The following PDE3A variants were observed in gnomAD, a reference collection of about 807,000 sequenced individuals.
PDE3A encodes cGMP-inhibited 3',5'-cyclic phosphodiesterase 3A.
Under a neutral mutation model 98.3 loss-of-function variants are expected in PDE3A, and 43 were observed. The ratio of observed to expected loss-of-function variants is 0.44; its 90% confidence interval spans 0.34 to 0.56. The LOEUF (loss-of-function observed/expected upper bound fraction) is 0.56, where lower values mean the gene tolerates loss of function less well. PDE3A is among the 20% of genes least tolerant of loss of function. The pLI, the probability that PDE3A is intolerant of heterozygous loss-of-function variation, is 0.01. For synonymous variants in PDE3A, 663 were observed against 567.9 expected (o/e 1.17, Z -2.38); for missense variants, 1,427 against 1,440.7 (o/e 0.99, Z 0.15).
chr12:20,680,826 CTGTGTGTGTG>C lies in PDE3A; in HGVS notation c.*590_*599del, dbSNP rs3059415. The C allele has an allele frequency of 0.01, 1,443 of 138,052 alleles. 15 individuals are homozygous for C. Among genetic ancestry groups the C allele is most frequent in the South Asian group, 0.018 (74 of 4,012 alleles). The allele number at this position is 138,052 out of a possible 1,614,324, so 8.6% of individuals were successfully genotyped here. A position where few individuals can be genotyped will look rare whatever the true frequency, so the allele number is the denominator to read the frequency against. On this transcript the variant is annotated 3_prime_UTR_variant, in exon 16 of 16. Coordinates refer to ENST00000359062, the MANE Select transcript of PDE3A (RefSeq NM_000921.5). The stretch of plus-strand genomic sequence containing the variant: ...TGAATTCTGATACATCCTGCCAACA[CTGTGTGTGTG>C]TGTGTGTGTGTGTGTGTGTGTGTGT...
intron 1 of PDE3A, among the ~76,000 whole-genome samples, chr12:20,404,755 G>A (rs1944199240): frequency 6.7e-6 from 1 of 148,218 alleles, no homozygotes; most frequent in Non-Finnish European, 1.5e-5. Context: ...TTCCAGGCAT[G>A]ATTCATATTC....
chr12:20,474,273 T>C (rs1224057882), intron 1 of PDE3A, among the ~76,000 whole-genome samples: 1 of 152,230 alleles, frequency 6.6e-6, no homozygotes, highest in African/African-American at 2.4e-5. Context: ...TTTATTATTG[T>C]TGGTTTGTCT....
chr12:20,538,433 C>T lies in PDE3A; in HGVS notation c.961-18227C>T, dbSNP rs1198381005. Among the ~76,000 whole-genome samples, 3 of 152,106 alleles carry T rather than the reference C, an allele frequency of 2.0e-5. No homozygotes were observed. In the South Asian group the frequency reaches 6.2e-4, roughly 32 times the overall value. On this transcript the variant is annotated intron_variant, in intron 1 of 15. Coordinates refer to ENST00000359062, the MANE Select transcript of PDE3A (RefSeq NM_000921.5). Reference sequence around the variant, plus strand: ...TTAAAGACTTTCCTTAGAAGCTTCACACAGTGACTTCTGCCCGTATCTCAT... The same window carrying T: ...TTAAAGACTTTCCTTAGAAGCTTCATACAGTGACTTCTGCCCGTATCTCAT...
chr12:20,520,823 T>C (rs1946410014), intron 1 of PDE3A, among the ~76,000 whole-genome samples: 4 of 152,168 alleles, frequency 2.6e-5, no homozygotes, highest in Admixed American at 2.6e-4. Flanking sequence ...TTCTGAGAAA[T>C]ACTAGCATCT....
At chr12:20,679,974 T>G in intron 15 of PDE3A, 56 bp from the exon 16 acceptor site, 5 of 1,307,522 alleles carry the variant, frequency 3.8e-6, no homozygotes, top group Non-Finnish European at 4.2e-6. Flanking sequence ...AACGTTCATG[T>G]GCTCAGCACA....
chr12:20,640,522 T>C (rs763089318), intron 10 of PDE3A, among the ~76,000 whole-genome samples: 29 of 151,934 alleles, frequency 1.9e-4, no homozygotes, highest in Non-Finnish European at 3.8e-4. Context: ...CATATGGAAG[T>C]GGTTATGGAA....
intron 4 of PDE3A, among the ~76,000 whole-genome samples, chr12:20,617,257 T>C (rs1347564132): frequency 6.6e-6 from 1 of 152,168 alleles, no homozygotes; most frequent in Non-Finnish European, 1.5e-5. Flanking sequence ...CTGAGACTAA[T>C]AGAAATATTT....
At chr12:20,678,084 G>T (rs1338171015) in intron 15 of PDE3A, among the ~76,000 whole-genome samples, 1 of 152,116 alleles carries the variant, frequency 6.6e-6, no homozygotes, top group African/African-American at 2.4e-5. Flanking sequence ...CTGAAGCAAT[G>T]CCATCACATG....
intron 1 of PDE3A, among the ~76,000 whole-genome samples, chr12:20,398,038 G>GTTTTTTTTTTTTTTTTTTTTTTTTTTTTT (rs397973436): frequency 7.6e-6 from 1 of 132,324 alleles, no homozygotes; most frequent in Non-Finnish European, 1.6e-5. Context: ...AGAATGACAG[G>GTTTTTTTTTTTTTTTTTTTTTTTTTTTTT]TTTTTTTTTT....
intron 2 of PDE3A, among the ~76,000 whole-genome samples, chr12:20,604,212 GGAGGGGAGGA>G (rs1036433538): frequency 1.3e-5 from 2 of 151,008 alleles, no homozygotes; most frequent in African/African-American, 4.9e-5. Flanking sequence ...AGAGAAGAGG[GGAGGGGAGGA>G]GAGGGGAGGG....
chr12:20,669,939 T>G (rs1483048180), intron 15 of PDE3A, among the ~76,000 whole-genome samples: 22 of 152,062 alleles, frequency 1.4e-4, no homozygotes, highest in Non-Finnish European at 2.8e-4. Context: ...ATCAGTGTGC[T>G]GTATTCAGGA....
intron 2 of PDE3A, among the ~76,000 whole-genome samples, chr12:20,570,464 C>T (rs1366893012): frequency 8.0e-6 from 1 of 124,694 alleles, no homozygotes; most frequent in Non-Finnish European, 1.6e-5. Context: ...AAATTTTTCT[C>T]TTTGTCATTC....
At chr12:20,392,546 A>C (rs563977089) in intron 1 of PDE3A, among the ~76,000 whole-genome samples, 3 of 148,056 alleles carry the variant, frequency 2.0e-5, no homozygotes, top group African/African-American at 7.7e-5. Context: ...TAAATAAATA[A>C]ATAAATAAAT....
intron 1 of PDE3A, among the ~76,000 whole-genome samples, chr12:20,476,001 A>G (rs772427642): frequency 3.0e-4 from 45 of 152,198 alleles, no homozygotes; most frequent in Non-Finnish European, 5.4e-4. Flanking sequence ...ATTTTAGTTC[A>G]TGCTACAAGT....
At chr12:20,445,166 A>AGG (rs1383270514) in intron 1 of PDE3A, among the ~76,000 whole-genome samples, 20 of 152,180 alleles carry the variant, frequency 1.3e-4, no homozygotes, top group Non-Finnish European at 2.4e-4. Context: ...TCCATGTTAT[A>AGG]CTGCTTACAG....
In PDE3A at chr12:20,683,559, C is replaced by T. The variant is rs905461886; in HGVS notation, c.*3288C>T. On this transcript the variant is annotated 3_prime_UTR_variant, in exon 16 of 16. Transcript: ENST00000359062. ...TTCAGCATGCTAATAAATGTCTTTCCGGTTATATATCTATCTAAATTAACC... is the reference window on the plus strand; with the variant it reads ...TTCAGCATGCTAATAAATGTCTTTCTGGTTATATATCTATCTAAATTAACC... 2.0e-5 allele frequency: 3 copies of T among 152,030 alleles called. No individual in the cohort carries two copies. Among genetic ancestry groups the T allele is most frequent in the African/African-American group, 4.8e-5 (2 of 41,372 alleles). 9.4% of individuals were successfully genotyped at this position (152,030 alleles called of 1,614,324 possible). A position where few individuals can be genotyped will look rare whatever the true frequency, so the allele number is the denominator to read the frequency against.
chr12:20,548,390 G>A (rs1318710055), intron 1 of PDE3A, among the ~76,000 whole-genome samples: 1 of 152,062 alleles, frequency 6.6e-6, no homozygotes, highest in Non-Finnish European at 1.5e-5. Flanking sequence ...TTACCCAGAG[G>A]AGTAATCATA....
intron 4 of PDE3A, among the ~76,000 whole-genome samples, chr12:20,617,272 T>C (rs1944029198): frequency 6.6e-6 from 1 of 152,178 alleles, no homozygotes; most frequent in Non-Finnish European, 1.5e-5. Flanking sequence ...ATATTTCAGA[T>C]GATAAGAATT....
chr12:20,631,935 T>C (rs1944390186), intron 6 of PDE3A, among the ~76,000 whole-genome samples: 1 of 60,778 alleles, frequency 1.6e-5, no homozygotes, highest in African/African-American at 5.5e-5. Flanking sequence ...ACACAACTAA[T>C]TGTTGTGGTT....
Sources: allele counts gnomAD v4.1 joint callset (sites outside exome capture counted in the v4.1 genomes callset), GRCh38; gene constraint gnomAD v4.1.1; transcripts MANE v1.5; gene names NCBI Gene and HGNC (gene_info 2026-07-23, HGNC 2026-07-21).